Variants in ANO3 observed in about 807,000 individuals in gnomAD.
ANO3 encodes anoctamin-3.
ANO3 carries 99 observed loss-of-function variants against 144.8 expected under a neutral mutation model. The observed-to-expected ratio is 0.68, with a 90% CI of 0.58 to 0.81. The LOEUF (loss-of-function observed/expected upper bound fraction) is 0.81. Among genes scored for constraint, ANO3 ranks in the 30% least tolerant of loss-of-function variants. ANO3 has a pLI of 0.00. For synonymous variants in ANO3, 414 were observed against 392.6 expected (o/e 1.05, Z -0.64); for missense variants, 905 against 1,202.2 (o/e 0.75, Z 3.66).
intron 3 of ANO3, chr11:26,460,102 A>C (rs563706637): frequency 2.9e-5 from 13 of 454,500 alleles, no homozygotes; most frequent in Non-Finnish European, 5.7e-5. Flanking sequence ...AACCATATCC[A>C]AGTCATAGCA....
At chr11:26,302,584 A>G (rs1314989679) in intron 1 of ANO3, among the ~76,000 whole-genome samples, 1 of 152,222 alleles carries the variant, frequency 6.6e-6, no homozygotes, top group Non-Finnish European at 1.5e-5. Context: ...CCTTAAACAA[A>G]TATTACTTTC....
At chr11:26,652,363 A>G (rs912602435) in intron 24 of ANO3, among the ~76,000 whole-genome samples, 15 of 152,120 alleles carry the variant, frequency 9.9e-5, no homozygotes, top group African/African-American at 2.7e-4. Context: ...CTTAAGAAAA[A>G]TTGAATCAAT....
intron 23 of ANO3, among the ~76,000 whole-genome samples, chr11:26,644,534 C>T (rs1046956880): frequency 3.9e-5 from 6 of 152,234 alleles, no homozygotes; most frequent in African/African-American, 7.2e-5. Flanking sequence ...AATTTGGCAG[C>T]ATGTTCTCCA....
intron 13 of ANO3, 22 bp from the exon 14 acceptor site, chr11:26,559,697 T>G (rs1206531143): frequency 6.3e-7 from 1 of 1,584,040 alleles, no homozygotes; most frequent in Non-Finnish European, 8.7e-7. Context: ...ATGACTAATA[T>G]TTCTGTTTGT....
intron 21 of ANO3, 131 bp from the exon 22 acceptor site, chr11:26,641,764 TA>T: frequency 1.0e-6 from 1 of 1,002,640 alleles, no homozygotes; most frequent in Non-Finnish European, 1.3e-6. Context: ...AAAACTTTTA[TA>T]AAAGGTAAAA....
intron 1 of ANO3, among the ~76,000 whole-genome samples, chr11:26,320,567 T>C (rs1854734021): frequency 6.6e-6 from 1 of 152,212 alleles, no homozygotes; most frequent in Non-Finnish European, 1.5e-5. Flanking sequence ...GTATATATTG[T>C]TTCCTATTGT....
At chr11:26,507,071 T>C (rs1201078769) in intron 4 of ANO3, among the ~76,000 whole-genome samples, 2 of 152,182 alleles carry the variant, frequency 1.3e-5, no homozygotes, top group African/African-American at 4.8e-5. Context: ...ATGGGGTAGA[T>C]AATAGTTATG....
intron 1 of ANO3, among the ~76,000 whole-genome samples, chr11:26,407,078 A>ATATATATAT (rs1284062278): frequency 9.0e-6 from 1 of 110,552 alleles, no homozygotes; most frequent in Non-Finnish European, 1.9e-5. Flanking sequence ...GTGTGTGTGT[A>ATATATATAT]TATATATATA....
intron 5 of ANO3, among the ~76,000 whole-genome samples, chr11:26,511,755 T>C (rs1361966949): frequency 6.6e-6 from 1 of 152,092 alleles, no homozygotes; most frequent in Non-Finnish European, 1.5e-5. Context: ...TGTAGGTGAA[T>C]AAAAGGGCTA....
chr11:26,365,992 A>T (rs1239029557), intron 1 of ANO3, among the ~76,000 whole-genome samples: 82 of 890 alleles, frequency 0.092, 2 homozygotes, highest in African/African-American at 0.12. Flanking sequence ...ATATATATAT[A>T]TATATATATA....
At chr11:26,373,756 C>T (rs1243080375) in intron 1 of ANO3, among the ~76,000 whole-genome samples, 4 of 152,112 alleles carry the variant, frequency 2.6e-5, no homozygotes, top group South Asian at 4.1e-4. Context: ...ATGCATCGTA[C>T]ATAGTAAGTT....
At chr11:26,230,463 T>G (rs2133801217) in intron 1 of ANO3, among the ~76,000 whole-genome samples, 1 of 152,224 alleles carries the variant, frequency 6.6e-6, no homozygotes, top group Admixed American at 6.5e-5. Context: ...CATTGGTTAA[T>G]TTTGAAATAA....
chr11:26,470,738 GA>G (rs1273282297), intron 4 of ANO3, among the ~76,000 whole-genome samples: 1 of 151,930 alleles, frequency 6.6e-6, no homozygotes, highest in East Asian at 1.9e-4. Context: ...TGATATACAA[GA>G]GATGTTTATA....
At chr11:26,354,559 T>G (rs11605942) in intron 1 of ANO3, among the ~76,000 whole-genome samples, 19,239 of 152,224 alleles carry the variant, frequency 0.13, 1,363 homozygotes, top group South Asian at 0.25. Flanking sequence ...CCCACCACTT[T>G]GCACTTCCCA....
intron 1 of ANO3, among the ~76,000 whole-genome samples, chr11:26,227,295 T>C (rs1236332391): frequency 6.6e-6 from 1 of 152,208 alleles, no homozygotes; most frequent in Non-Finnish European, 1.5e-5. Flanking sequence ...TGTTGTCTCA[T>C]GCATTTGCTA....
At chr11:26,599,781 C>A in intron 17 of ANO3, 67 bp downstream of exon 17, 1 of 1,403,610 alleles carries the variant, frequency 7.1e-7, no homozygotes, top group Non-Finnish European at 9.6e-7. Flanking sequence ...GTCTATGTTT[C>A]CTTTATATTT....
chr11:26,240,069 GC>G (rs1852629111), intron 1 of ANO3, among the ~76,000 whole-genome samples: 1 of 152,064 alleles, frequency 6.6e-6, no homozygotes, highest in African/African-American at 2.4e-5. Context: ...ACTTATTGGG[GC>G]AAATTACTTA....
At chr11:26,578,023 G>A (rs573405231) in intron 14 of ANO3, among the ~76,000 whole-genome samples, 2 of 152,182 alleles carry the variant, frequency 1.3e-5, no homozygotes, top group Non-Finnish European at 2.9e-5. Flanking sequence ...TTGATCAAAA[G>A]TATGTCGTGG....
chr11:26,613,800 G>A (rs1852169844), intron 17 of ANO3, among the ~76,000 whole-genome samples: 1 of 152,144 alleles, frequency 6.6e-6, no homozygotes, highest in Non-Finnish European at 1.5e-5. Context: ...TGACTATAAG[G>A]GCAATAATGT....
Sources: gnomAD v4.1 joint callset for allele counts (sites outside exome capture counted in the v4.1 genomes callset) on GRCh38, gnomAD v4.1.1 for gene constraint, MANE v1.5 for transcripts, NCBI Gene and HGNC (gene_info 2026-07-23, HGNC 2026-07-21) for gene names.